Variants in PDE4D observed in about 807,000 individuals in gnomAD.
The protein encoded by PDE4D is 3',5'-cyclic-AMP phosphodiesterase 4D.
A neutral mutation model predicts 87.4 loss-of-function variants in PDE4D; 24 were observed. That is an observed-to-expected ratio of 0.27 (90% CI 0.20 to 0.39). PDE4D has a LOEUF of 0.39. PDE4D is among the 10% of genes least tolerant of loss of function. PDE4D has a pLI of 1.00. For synonymous variants in PDE4D, 384 were observed against 383.2 expected, an observed-to-expected ratio of 1.00 and a Z score of -0.02; for missense variants, 714 against 1,041.0, an observed-to-expected ratio of 0.69 and a Z score of 4.32.
At chr5:59,511,533 C>T (rs879439612) in intron 1 of PDE4D, among the ~76,000 whole-genome samples, 4 of 151,860 alleles carry the variant, frequency 2.6e-5, no homozygotes, top group Non-Finnish European at 5.9e-5. Context: ...TCTACTTGTA[C>T]TTGTTGACTA....
At chr5:59,834,146 C>A (rs868766575) in intron 1 of PDE4D, among the ~76,000 whole-genome samples, 1 of 152,040 alleles carries the variant, frequency 6.6e-6, no homozygotes, top group South Asian at 2.1e-4. Flanking sequence ...TCTGTCTAAG[C>A]AAATACACCC....
At chr5:59,503,900 C>T (rs1475892637) in intron 1 of PDE4D, among the ~76,000 whole-genome samples, 1 of 144,642 alleles carries the variant, frequency 6.9e-6, no homozygotes, top group Non-Finnish European at 1.6e-5. Flanking sequence ...TACTAGAAGT[C>T]TTATAATATT....
chr5:59,050,231 C>T (rs922113864), intron 5 of PDE4D, among the ~76,000 whole-genome samples: 5 of 152,138 alleles, frequency 3.3e-5, no homozygotes, highest in Non-Finnish European at 7.3e-5. Flanking sequence ...TGTGCCACTG[C>T]ACTCCAGCCT....
chr5:60,045,306 G>A (rs1351172088), intron 2 of PDE4D, among the ~76,000 whole-genome samples: 1 of 151,852 alleles, frequency 6.6e-6, no homozygotes, highest in Non-Finnish European at 1.5e-5. Flanking sequence ...CTCCCATTTT[G>A]TAGGTTGCCT....
chr5:58,986,123 T>C (rs531613863), intron 11 of PDE4D, among the ~76,000 whole-genome samples: 1 of 152,338 alleles, frequency 6.6e-6, no homozygotes, highest in Non-Finnish European at 1.5e-5. Context: ...AGAAAGGAGA[T>C]CATTGCAATA....
chr5:59,330,280 C>G (rs564658824), intron 1 of PDE4D, among the ~76,000 whole-genome samples: 8 of 152,236 alleles, frequency 5.3e-5, no homozygotes, highest in African/African-American at 1.7e-4. Flanking sequence ...TAAGCAAAAC[C>G]TGGTACAGAA....
chr5:59,809,266 CA>C (rs1411001808), intron 1 of PDE4D, among the ~76,000 whole-genome samples: 1 of 152,062 alleles, frequency 6.6e-6, no homozygotes, highest in East Asian at 1.9e-4. Flanking sequence ...CCACCATTTT[CA>C]AAATTATTAA....
intron 5 of PDE4D, among the ~76,000 whole-genome samples, chr5:59,062,409 TC>T (rs1388528406): frequency 6.6e-6 from 1 of 152,144 alleles, no homozygotes; most frequent in Non-Finnish European, 1.5e-5. Context: ...GTTGAGCTGT[TC>T]CTCTATAGCT....
At chr5:59,059,205 T>C (rs1498599) in intron 5 of PDE4D, among the ~76,000 whole-genome samples, 102,284 of 151,990 alleles carry the variant, frequency 0.67, 34,594 homozygotes, top group East Asian at 0.88. Context: ...CATGTTTTGG[T>C]GCTTCCATAA....
intron 1 of PDE4D, among the ~76,000 whole-genome samples, chr5:60,321,305 C>T (rs1003436005): frequency 6.6e-6 from 1 of 152,126 alleles, no homozygotes; most frequent in Non-Finnish European, 1.5e-5. Context: ...GGAAAGGATT[C>T]CCTGTTCAAT....
chr5:59,792,830 A>T (rs1765971036), intron 1 of PDE4D, among the ~76,000 whole-genome samples: 1 of 152,204 alleles, frequency 6.6e-6, no homozygotes, highest in South Asian at 2.1e-4. Context: ...AAGAGACAGA[A>T]GGACAGGAAC....
intron 3 of PDE4D, among the ~76,000 whole-genome samples, chr5:59,984,358 G>A (rs981445036): frequency 6.6e-6 from 1 of 152,138 alleles, no homozygotes; most frequent in Non-Finnish European, 1.5e-5. Flanking sequence ...TTCGAGGAAG[G>A]TCAGTAAACA....
At chr5:59,250,442 G>A (rs1293398125) in intron 1 of PDE4D, among the ~76,000 whole-genome samples, 2 of 150,640 alleles carry the variant, frequency 1.3e-5, no homozygotes, top group Non-Finnish European at 3.0e-5. Context: ...GCAATGAGCT[G>A]TGATTGAGCT....
intron 6 of PDE4D, chr5:58,999,477 A>G (rs768673618): frequency 2.1e-6 from 3 of 1,452,312 alleles, no homozygotes; most frequent in East Asian, 2.3e-5. Flanking sequence ...TCAAAAGCTA[A>G]GTAAGTCTTA....
chr5:59,854,297 C>A (rs1745100328), intron 1 of PDE4D, among the ~76,000 whole-genome samples: 1 of 151,588 alleles, frequency 6.6e-6, no homozygotes, highest in Non-Finnish European at 1.5e-5. Context: ...TTTACATGCC[C>A]ACCTATTAAT....
rs112480675 is a variant in PDE4D at position 60,106,114 on chromosome 5, T to G, written c.42+79443A>C. On this transcript the variant is annotated intron_variant, in intron 2 of 16. Transcript: ENST00000502484. Reference sequence around the variant, plus strand: ...CAGTGTGCTGTATTCAGGAAACCCATCTCACGTGCAGAGACACACATAGGC... The same window carrying G: ...CAGTGTGCTGTATTCAGGAAACCCAGCTCACGTGCAGAGACACACATAGGC... Among the ~76,000 whole-genome samples the G allele has an allele frequency of 7.4e-3, 1,128 of 151,790 alleles. 12 individuals carry two copies. The highest frequency in any genetic ancestry group is 0.026 in the African/African-American group (1,073 of 41,326).
intron 1 of PDE4D, among the ~76,000 whole-genome samples, chr5:59,889,579 A>G (rs1349948912): frequency 3.3e-5 from 5 of 152,234 alleles, no homozygotes; most frequent in Non-Finnish European, 5.9e-5. Context: ...TATAATCCAG[A>G]ATATTTTATA....
intron 11 of PDE4D, among the ~76,000 whole-genome samples, chr5:58,977,948 G>A (rs975692472): frequency 1.5e-4 from 23 of 152,106 alleles, no homozygotes; most frequent in Admixed American, 7.2e-4. Flanking sequence ...CTTCCTGCCT[G>A]CTTGCTCACA....
intron 5 of PDE4D, among the ~76,000 whole-genome samples, chr5:59,083,829 T>A (rs1767204958): frequency 6.6e-6 from 1 of 152,142 alleles, no homozygotes; most frequent in Non-Finnish European, 1.5e-5. Context: ...TTTTGTCTTT[T>A]TTCAAATGTC....
Sources: gnomAD v4.1 joint callset for allele counts (sites outside exome capture counted in the v4.1 genomes callset) on GRCh38, gnomAD v4.1.1 for gene constraint, MANE v1.5 for transcripts, NCBI Gene and HGNC (gene_info 2026-07-23, HGNC 2026-07-21) for gene names.